KCNJ6: variants seen among roughly 807,000 people sequenced by gnomAD.
KCNJ6 encodes G protein-activated inward rectifier potassium channel 2.
Under a neutral mutation model 34.2 loss-of-function variants are expected in KCNJ6, and 9 were observed. That is an observed-to-expected ratio of 0.26 (90% confidence interval 0.16 to 0.46). The LOEUF (loss-of-function observed/expected upper bound fraction) is 0.46. Ranked by LOEUF, KCNJ6 falls within the 20% of genes least tolerant of loss-of-function variation. KCNJ6 has a pLI of 1.00. For missense variants in KCNJ6, 236 were observed against 531.3 expected (o/e 0.44, Z 5.46); for synonymous variants, 196 against 207.1 (o/e 0.95, Z 0.46).
chr21:37,811,051 G>C (rs2055320158), intron 2 of KCNJ6, among the ~76,000 whole-genome samples: 1 of 152,162 alleles, frequency 6.6e-6, no homozygotes, highest in Admixed American at 6.5e-5. Context: ...GGGAAGAGGA[G>C]AGAGGCTGGA....
At chr21:37,788,098 T>C (rs780118873) in intron 2 of KCNJ6, among the ~76,000 whole-genome samples, 3 of 152,242 alleles carry the variant, frequency 2.0e-5, no homozygotes, top group Non-Finnish European at 2.9e-5. Flanking sequence ...CATTTGCTCA[T>C]GGAGTTTTAA....
chr21:37,625,924 A>G lies in KCNJ6; in HGVS notation c.947-440T>C, dbSNP rs182176928. 1.4e-4 allele frequency among the ~76,000 whole-genome samples: 22 copies of G among 152,174 alleles called. 1 individual carries two copies. The highest frequency in any genetic ancestry group is 5.1e-4 in the African/African-American group (21 of 41,454). ...GGCCACAGACTTAGAATGAAATTTCATATATGGAACTACACTTAGGCTGCT... is the reference window on the plus strand; with the variant it reads ...GGCCACAGACTTAGAATGAAATTTCGTATATGGAACTACACTTAGGCTGCT... On this transcript the variant is annotated intron_variant, in intron 3 of 3. Transcript: ENST00000609713.
chr21:37,850,434 A>G (rs1489677469), intron 1 of KCNJ6, among the ~76,000 whole-genome samples: 1 of 152,060 alleles, frequency 6.6e-6, no homozygotes, highest in Admixed American at 6.5e-5. Context: ...CAGTGACATT[A>G]GATTCTCACA....
intron 1 of KCNJ6, among the ~76,000 whole-genome samples, chr21:37,864,567 T>C (rs2055612436): frequency 2.0e-5 from 3 of 152,338 alleles, no homozygotes; most frequent in African/African-American, 7.2e-5. Context: ...TTGTAAGCTC[T>C]GTGCATGATT....
At chr21:37,851,648 G>A (rs371139208) in intron 1 of KCNJ6, among the ~76,000 whole-genome samples, 64 of 152,188 alleles carry the variant, frequency 4.2e-4, no homozygotes, top group African/African-American at 1.4e-3. Flanking sequence ...GAGGAACACC[G>A]TCCTAATCTC....
At chr21:37,829,298 G>C (rs1390405076) in intron 2 of KCNJ6, among the ~76,000 whole-genome samples, 7 of 152,172 alleles carry the variant, frequency 4.6e-5, no homozygotes, top group African/African-American at 1.7e-4. Flanking sequence ...GGCGAGCGGA[G>C]GAAGTGTGAG....
chr21:37,638,130 C>T (rs1470841780), intron 3 of KCNJ6, among the ~76,000 whole-genome samples: 2 of 152,130 alleles, frequency 1.3e-5, no homozygotes, highest in East Asian at 3.9e-4. Flanking sequence ...ACAGAGACCA[C>T]ATGTTAATTT....
At chr21:37,775,140 A>C (rs1460045848) in intron 2 of KCNJ6, among the ~76,000 whole-genome samples, 1 of 152,188 alleles carries the variant, frequency 6.6e-6, no homozygotes, top group African/African-American at 2.4e-5. Context: ...TGGCTGCATA[A>C]ATGTCTTCTT....
chr21:37,717,718 G>A (rs764576609), intron 2 of KCNJ6, among the ~76,000 whole-genome samples: 16 of 152,236 alleles, frequency 1.1e-4, no homozygotes, highest in East Asian at 5.8e-4. Context: ...TGTATATCCC[G>A]TCTTGACCGC....
At position 37,608,017 on chromosome 21, in the gene KCNJ6, G is replaced by GTGAAAATT. The variant is rs1315962556; in HGVS notation, c.*17141_*17142insAATTTTCA. ...TCAAAGTGCTTGACAGTTGTGTAAA[G>GTGAAAATT]ACCTTTTGGTTTTGTCCAGTGAAAA... is the stretch of plus-strand genomic sequence containing the variant. On this transcript the variant is annotated 3_prime_UTR_variant, in exon 4 of 4. Coordinates refer to ENST00000609713, the MANE Select transcript of KCNJ6 (RefSeq NM_002240.5). 1 of 152,134 alleles carries GTGAAAATT rather than the reference G, an allele frequency of 6.6e-6. No homozygotes were observed. Among genetic ancestry groups the GTGAAAATT allele is most frequent in the Non-Finnish European group, 1.5e-5 (1 of 68,010 alleles). 9.4% of individuals were successfully genotyped at this position (152,134 alleles called of 1,614,324 possible).
At chr21:37,887,292 C>T (rs529800832) in intron 1 of KCNJ6, among the ~76,000 whole-genome samples, 1 of 152,308 alleles carries the variant, frequency 6.6e-6, no homozygotes, top group South Asian at 2.1e-4. Flanking sequence ...TATTGACTAA[C>T]CCTCCCCCAG....
intron 1 of KCNJ6, among the ~76,000 whole-genome samples, chr21:37,908,736 A>T (rs896619478): frequency 6.6e-6 from 1 of 152,252 alleles, no homozygotes; most frequent in Non-Finnish European, 1.5e-5. Flanking sequence ...TTTTAAAAAA[A>T]TACACCACTA....
intron 2 of KCNJ6, among the ~76,000 whole-genome samples, chr21:37,739,586 T>C (rs1569454746): frequency 6.6e-6 from 1 of 152,212 alleles, no homozygotes; most frequent in Admixed American, 6.5e-5. Flanking sequence ...ATATGTTCCC[T>C]CCTAGTTTGG....
chr21:37,698,385 G>A (rs1175143912), intron 3 of KCNJ6, among the ~76,000 whole-genome samples: 1 of 152,210 alleles, frequency 6.6e-6, no homozygotes, highest in Non-Finnish European at 1.5e-5. Flanking sequence ...TCGAAGAGCG[G>A]TTCTGGCTGG....
At chr21:37,684,855 T>A (rs1783053) in intron 3 of KCNJ6, among the ~76,000 whole-genome samples, 134,443 of 152,258 alleles carry the variant, frequency 0.88, 60,116 homozygotes, top group Non-Finnish European at 0.95. Flanking sequence ...AATGACTTTA[T>A]GTGAATTTTA....
At chr21:37,705,647 AG>A (rs2054715738) in intron 3 of KCNJ6, among the ~76,000 whole-genome samples, 1 of 152,198 alleles carries the variant, frequency 6.6e-6, no homozygotes, top group African/African-American at 2.4e-5. Context: ...GGGGAAAAAA[AG>A]ATTTTGTGAA....
At chr21:37,734,326 T>A (rs920663379) in intron 2 of KCNJ6, among the ~76,000 whole-genome samples, 1 of 152,170 alleles carries the variant, frequency 6.6e-6, no homozygotes, top group African/African-American at 2.4e-5. Context: ...ATCTCTGCTC[T>A]ACTAGTTTGT....
intron 2 of KCNJ6, among the ~76,000 whole-genome samples, chr21:37,816,834 G>A (rs1229251030): frequency 5.3e-5 from 8 of 152,100 alleles, no homozygotes; most frequent in Non-Finnish European, 1.0e-4. Flanking sequence ...CTCTTAGGCC[G>A]GTCCATAGAG....
At chr21:37,709,838 A>G (rs1356256474) in intron 3 of KCNJ6, among the ~76,000 whole-genome samples, 1 of 152,214 alleles carries the variant, frequency 6.6e-6, no homozygotes, top group African/African-American at 2.4e-5. Context: ...TAGTGACAGA[A>G]CTGAGCTTTT....
Sources: allele counts gnomAD v4.1 joint callset (sites outside exome capture counted in the v4.1 genomes callset), GRCh38; gene constraint gnomAD v4.1.1; transcripts MANE v1.5; gene names NCBI Gene and HGNC (gene_info 2026-07-23, HGNC 2026-07-21).